Variants in NARS2 observed in about 807,000 individuals in gnomAD.
The protein encoded by NARS2 is asparaginyl-tRNA synthetase.
NARS2 carries 60 observed loss-of-function variants against 62.9 expected under a neutral mutation model. The ratio of observed to expected loss-of-function variants is 0.95; its 90% confidence interval spans 0.77 to 1.18. NARS2 has a LOEUF of 1.18. NARS2 is among the 50% of genes most tolerant of loss of function. The probability of loss-of-function intolerance (pLI) is 0.00; values close to 1 mark genes in which losing one functional copy is unlikely to be tolerated. For missense variants in NARS2, 619 were observed against 576.4 expected (o/e 1.07, Z -0.76); for synonymous variants, 196 against 200.0 (o/e 0.98, Z 0.17).
chr11:78,535,296 T>C (rs1861631216), intron 5 of NARS2, among the ~76,000 whole-genome samples: 1 of 152,194 alleles, frequency 6.6e-6, no homozygotes, highest in African/African-American at 2.4e-5. Context: ...CTTGAAACAA[T>C]GGTACATAAA....
At chr11:78,562,984 AACTATT>A (rs1262628420) in intron 4 of NARS2, among the ~76,000 whole-genome samples, 2 of 152,050 alleles carry the variant, frequency 1.3e-5, no homozygotes, top group East Asian at 3.9e-4. Flanking sequence ...GGTAACATAT[AACTATT>A]ACTTAATATG....
intron 5 of NARS2, among the ~76,000 whole-genome samples, chr11:78,556,192 C>T (rs1856346613): frequency 6.6e-6 from 1 of 152,124 alleles, no homozygotes; most frequent in Non-Finnish European, 1.5e-5. Flanking sequence ...TACATTATTG[C>T]TCTTACCTGG....
chr11:78,496,925 A>G (rs1253483476), intron 6 of NARS2, among the ~76,000 whole-genome samples: 1 of 151,944 alleles, frequency 6.6e-6, no homozygotes. Context: ...CTTTTTTCCT[A>G]TCTTCCACAG....
intron 4 of NARS2, among the ~76,000 whole-genome samples, chr11:78,563,918 T>TTATTATTATTATTAC (rs373288163): frequency 8.1e-6 from 1 of 123,794 alleles, no homozygotes; most frequent in Non-Finnish European, 1.6e-5. Flanking sequence ...ATTATTATTA[T>TTATTATTATTATTAC]TGAGATGGAA....
At chr11:78,477,329 T>C (rs1859143401) in intron 9 of NARS2, among the ~76,000 whole-genome samples, 1 of 152,168 alleles carries the variant, frequency 6.6e-6, no homozygotes, top group Non-Finnish European at 1.5e-5. Flanking sequence ...AATCTTAACA[T>C]GTCTGTGTTC....
At chr11:78,554,523 G>GTGTGTGTGTGTGTGTT (rs1466019732) in intron 5 of NARS2, among the ~76,000 whole-genome samples, 1 of 151,688 alleles carries the variant, frequency 6.6e-6, no homozygotes, top group Admixed American at 6.6e-5. Flanking sequence ...GTGTGTGTGT[G>GTGTGTGTGTGTGTGTT]TGTGTGTCAA....
At chr11:78,524,162 TGATA>T (rs1861222247) in intron 6 of NARS2, among the ~76,000 whole-genome samples, 1 of 152,144 alleles carries the variant, frequency 6.6e-6, no homozygotes, top group Non-Finnish European at 1.5e-5. Flanking sequence ...TAGCCCCAGA[TGATA>T]AATGATGATG....
chr11:78,511,398 TG>T (rs764698295), intron 6 of NARS2, among the ~76,000 whole-genome samples: 2 of 152,106 alleles, frequency 1.3e-5, no homozygotes, highest in Non-Finnish European at 2.9e-5. Context: ...ATCTTGATCA[TG>T]GAAGTAGTTA....
intron 5 of NARS2, among the ~76,000 whole-genome samples, chr11:78,533,785 A>G (rs1220609098): frequency 6.6e-6 from 1 of 152,216 alleles, no homozygotes; most frequent in Non-Finnish European, 1.5e-5. Flanking sequence ...TGCCCTAAAA[A>G]TATGTGCTCC....
intron 11 of NARS2, among the ~76,000 whole-genome samples, chr11:78,457,640 T>C (rs1197138372): frequency 6.6e-6 from 1 of 152,224 alleles, no homozygotes; most frequent in African/African-American, 2.4e-5. Context: ...TATGGAAGTA[T>C]GTTAAAGTCC....
chr11:78,535,364 T>C (rs2135444102), intron 5 of NARS2, among the ~76,000 whole-genome samples: 1 of 152,344 alleles, frequency 6.6e-6, no homozygotes, highest in East Asian at 1.9e-4. Context: ...AGAGAAATGG[T>C]ACAATATAAA....
At chr11:78,470,939 C>G (rs1306670556) in intron 9 of NARS2, among the ~76,000 whole-genome samples, 1 of 141,984 alleles carries the variant, frequency 7.0e-6, no homozygotes, top group Non-Finnish European at 1.5e-5. Flanking sequence ...AGACCTTGAG[C>G]TCAAAAAATA....
intron 6 of NARS2, among the ~76,000 whole-genome samples, chr11:78,506,186 A>C (rs1287875944): frequency 6.6e-6 from 1 of 152,244 alleles, no homozygotes; most frequent in Admixed American, 6.5e-5. Context: ...TATAATTAAA[A>C]ATACGACATC....
chr11:78,569,540 A>G (rs993342038), intron 2 of NARS2, among the ~76,000 whole-genome samples: 2 of 152,204 alleles, frequency 1.3e-5, no homozygotes, highest in African/African-American at 2.4e-5. Flanking sequence ...ATTGTAATAT[A>G]GCAATACAAT....
rs145636696 is a variant in NARS2, at chr11:78,446,188, C to T, written c.1165-2430G>A. The stretch of plus-strand genomic sequence containing the variant: ...ACTTTGCCGTTAAGCCATCCCCTTC[C>T]CAGTTTTGATTTAGAAACTTTTGAT... On this transcript the variant is annotated intron_variant, in intron 11 of 13. Transcript: ENST00000281038. 1.3e-3 allele frequency among the ~76,000 whole-genome samples: 203 copies of T among 152,282 alleles called. 1 individual carries two copies. The highest frequency in any genetic ancestry group is 4.6e-3 in the African/African-American group (193 of 41,562).
At chr11:78,443,144 T>C (rs1435101822) in intron 12 of NARS2, among the ~76,000 whole-genome samples, 1 of 151,768 alleles carries the variant, frequency 6.6e-6, no homozygotes, top group Admixed American at 6.6e-5. Context: ...GCTAACACGG[T>C]GAAACTCTGT....
intron 2 of NARS2, among the ~76,000 whole-genome samples, chr11:78,569,508 C>G (rs984155225): frequency 6.6e-6 from 1 of 152,188 alleles, no homozygotes; most frequent in Non-Finnish European, 1.5e-5. Flanking sequence ...CAATAAGTGC[C>G]TTCCTAATAA....
chr11:78,515,253 C>T (rs1355314317), intron 6 of NARS2, among the ~76,000 whole-genome samples: 1 of 152,120 alleles, frequency 6.6e-6, no homozygotes, highest in Non-Finnish European at 1.5e-5. Context: ...GCCAGATGTC[C>T]TCACCACTCA....
At chr11:78,480,698 G>T (rs1330027844) in intron 7 of NARS2, among the ~76,000 whole-genome samples, 1 of 151,866 alleles carries the variant, frequency 6.6e-6, no homozygotes, top group East Asian at 1.9e-4. Context: ...CTAATTTGGG[G>T]GGGGTGGGAA....
Sources: gnomAD v4.1 joint callset for allele counts (sites outside exome capture counted in the v4.1 genomes callset) on GRCh38, gnomAD v4.1.1 for gene constraint, MANE v1.5 for transcripts, NCBI Gene and HGNC (gene_info 2026-07-23, HGNC 2026-07-21) for gene names.